Variants in DNAH5 observed in about 807,000 individuals in gnomAD.
DNAH5 encodes the protein axonemal beta dynein heavy chain 5.
In DNAH5, 372 loss-of-function variants were observed where a neutral mutation model predicts 518.2. The ratio of observed to expected loss-of-function variants is 0.72; its 90% CI spans 0.66 to 0.78. The LOEUF (loss-of-function observed/expected upper bound fraction) is 0.78, where lower values mean the gene tolerates loss of function less well. Among genes scored for constraint, DNAH5 ranks in the 30% least tolerant of loss-of-function variants. DNAH5 has a pLI of 0.00. For missense variants in DNAH5, 5,523 were observed against 5,687.0 expected (o/e 0.97, Z 0.93); for synonymous variants, 2,039 against 2,025.9 (o/e 1.01, Z -0.17).
rs1005785101 is a variant in DNAH5 at position 13,833,206 on chromosome 5, C to T, written c.5883-2431G>A. Among the ~76,000 whole-genome samples, 9 of 151,186 alleles carry T rather than the reference C, an allele frequency of 6.0e-5. No homozygotes were observed. In the South Asian group the frequency reaches 6.2e-4, roughly 10 times the overall value. The stretch of plus-strand genomic sequence containing the variant: ...CTGTAATCTCAGCACTTTGGGAGGC[C>T]GAGGCGGATGGATCACGAGGTCAGG... On this transcript the variant is annotated intron_variant, in intron 35 of 78. Coordinates refer to ENST00000265104, the MANE Select transcript of DNAH5 (RefSeq NM_001369.3).
At chr5:13,913,629 T>G in intron 11 of DNAH5, 114 bp downstream of exon 11, 1 of 1,259,502 alleles carries the variant, frequency 7.9e-7, no homozygotes, top group Admixed American at 2.4e-5. Flanking sequence ...TGAGATTATT[T>G]ATATTTTACT....
intron 12 of DNAH5, among the ~76,000 whole-genome samples, chr5:13,908,053 G>C (rs562120605): frequency 5.9e-5 from 9 of 152,252 alleles, no homozygotes; most frequent in Non-Finnish European, 1.2e-4. Flanking sequence ...GGAGGAGATG[G>C]AGCTATTGGC....
chr5:13,902,114 C>T lies in DNAH5; in HGVS notation c.1669G>A (p.Val557Ile), dbSNP rs1241187163. The part of the protein sequence containing the change: ...LHNELRKFMD[V>I]TFAKIQNTNQ... ...GTGTTTTGAATCTTTGCAAATGTAA[C>T]ATCCATGAACTTCCGCAACTCGTTC... Residue 557 changes from valine to isoleucine, a missense_variant, in exon 13 of 79, where the codon GTT (valine) becomes ATT (isoleucine). Around this residue, in one of 3 missense-constraint regions of DNAH5, gnomAD observed 5,121 missense variants for 5,223.3 expected, o/e 0.98. Coordinates refer to ENST00000265104, the MANE Select transcript of DNAH5 (RefSeq NM_001369.3). 6.2e-6 allele frequency: 10 copies of T among 1,608,644 alleles called. No individual in the cohort carries two copies. In the African/African-American group the frequency reaches 8.0e-5, roughly 13 times the overall value.
intron 68 of DNAH5, among the ~76,000 whole-genome samples, chr5:13,729,923 G>A (rs1746255378): frequency 6.6e-6 from 1 of 152,122 alleles, no homozygotes; most frequent in Non-Finnish European, 1.5e-5. Flanking sequence ...ACACAAAACA[G>A]GATAGAGGAC....
intron 12 of DNAH5, among the ~76,000 whole-genome samples, chr5:13,909,498 T>G (rs1178539336): frequency 6.6e-6 from 1 of 152,060 alleles, no homozygotes; most frequent in African/African-American, 2.4e-5. Flanking sequence ...CAGCCTCCTC[T>G]CTGAAGCCTT....
chr5:13,942,064 A>G (rs1779507044), intron 1 of DNAH5, among the ~76,000 whole-genome samples: 1 of 152,238 alleles, frequency 6.6e-6, no homozygotes, highest in Non-Finnish European at 1.5e-5. Flanking sequence ...TCTCTGAGAA[A>G]AGCAGAAAAA....
intron 47 of DNAH5, among the ~76,000 whole-genome samples, chr5:13,794,360 C>G (rs1284525310): frequency 6.6e-6 from 1 of 152,176 alleles, no homozygotes; most frequent in African/African-American, 2.4e-5. Flanking sequence ...CTGTTGGTGA[C>G]ACTATGTTCC....
chr5:13,770,868 A>G lies in DNAH5; in HGVS notation c.9486T>C (p.Asp3162=). 2 of 1,614,074 alleles carry G rather than the reference A, an allele frequency of 1.2e-6. No homozygotes were observed. The highest frequency in any genetic ancestry group is 1.7e-6 in the Non-Finnish European group (2 of 1,179,966). ...FQDGVAEKCV[D]YFQRFRRSTH... is the part of the protein sequence containing the mutation. ...TAGAACGTCGGAATCTCTGAAAATA[A>G]TCAACACACTTCTCAGCCACCCCAT... The change falls in exon 56 of 79, where the codon GAT becomes GAC. Residue 3162 remains aspartate, a synonymous_variant. Transcript: ENST00000265104.
In DNAH5 at chr5:14,007,164, A is replaced by G. The variant is rs976258083; in HGVS notation, c.12+4484T>C. 2.0e-5 allele frequency among the ~76,000 whole-genome samples: 3 copies of G among 152,232 alleles called. No homozygotes were observed. The South Asian group carries it at 6.2e-4, about 32-fold the overall frequency. On this transcript the variant is annotated intron_variant, in intron 1 of 78. Coordinates refer to the DNAH5 transcript ENST00000681290. ...CTTAGTTGATCTTCCTTTGGGGAACATTGCTAGAGTCAGCAATGACACCGT... is the reference window on the plus strand; with the variant it reads ...CTTAGTTGATCTTCCTTTGGGGAACGTTGCTAGAGTCAGCAATGACACCGT...
At chr5:13,930,849 C>T (rs2152008323) in intron 2 of DNAH5, among the ~76,000 whole-genome samples, 1 of 152,350 alleles carries the variant, frequency 6.6e-6, no homozygotes, top group East Asian at 1.9e-4. Context: ...AGCCCAGCTT[C>T]ACTGGATGTA....
chr5:13,756,954 G>A (rs375740074), intron 61 of DNAH5, among the ~76,000 whole-genome samples: 3 of 152,266 alleles, frequency 2.0e-5, no homozygotes, highest in South Asian at 4.1e-4. Context: ...AAAACATGTG[G>A]CATTTGGTTT....
chr5:13,944,623 C>A lies in DNAH5; in HGVS notation c.-185G>T. The stretch of plus-strand genomic sequence containing the variant: ...ATAAAAATTAAAACTCCACTTATAC[C>A]ACTCAAGTTTTTCTCCTAGAGTGTC... On this transcript the variant is annotated 5_prime_UTR_variant, in exon 1 of 79. Coordinates refer to ENST00000265104, the MANE Select transcript of DNAH5 (RefSeq NM_001369.3). 1.6e-6 allele frequency: 1 copy of A among 627,696 alleles called. No individual in the cohort carries two copies. Among genetic ancestry groups the A allele is most frequent in the Non-Finnish European group, 2.9e-6 (1 of 349,900 alleles). The allele number at this position is 627,696 out of a possible 1,614,324, so 38.9% of individuals were successfully genotyped here. A position where few individuals can be genotyped will look rare whatever the true frequency, so the allele number is the denominator to read the frequency against.
At chr5:13,963,949 T>A (rs1329823711) in intron 1 of DNAH5, among the ~76,000 whole-genome samples, 1 of 152,150 alleles carries the variant, frequency 6.6e-6, no homozygotes. Context: ...ATCACAGGCA[T>A]CCACCCCTGC....
intron 54 of DNAH5, 36 bp downstream of exon 54, chr5:13,777,166 A>G: frequency 6.3e-7 from 1 of 1,598,594 alleles, no homozygotes; most frequent in East Asian, 2.2e-5. Context: ...GGAAATCTGA[A>G]GGGATAAAAC....
At chr5:13,826,850 TGAAGA>T (rs1762951321) in intron 38 of DNAH5, among the ~76,000 whole-genome samples, 1 of 152,154 alleles carries the variant, frequency 6.6e-6, no homozygotes, top group African/African-American at 2.4e-5. Flanking sequence ...AGAAGAAGAC[TGAAGA>T]AATGTGGGAA....
chr5:14,006,480 G>A (rs368733), intron 1 of DNAH5, among the ~76,000 whole-genome samples: 112,407 of 151,960 alleles, frequency 0.74, 41,922 homozygotes, highest in East Asian at 0.97. Context: ...GCAGATGGCT[G>A]CCTTCTCACT....
intron 1 of DNAH5, among the ~76,000 whole-genome samples, chr5:14,003,484 G>C (rs1784500980): frequency 6.6e-6 from 1 of 152,200 alleles, no homozygotes; most frequent in Non-Finnish European, 1.5e-5. Context: ...TGGTCAGAAA[G>C]AAGGCAAATT....
At chr5:13,812,117 A>G (rs1244478602) in intron 43 of DNAH5, among the ~76,000 whole-genome samples, 1 of 152,204 alleles carries the variant, frequency 6.6e-6, no homozygotes, top group East Asian at 1.9e-4. Context: ...TGGCAAGGGC[A>G]GAATTCAGAC....
At chr5:13,908,470 C>T (rs1432914952) in intron 12 of DNAH5, among the ~76,000 whole-genome samples, 1 of 152,188 alleles carries the variant, frequency 6.6e-6, no homozygotes, top group Non-Finnish European at 1.5e-5. Context: ...AAGGCCTGGG[C>T]TGAACTCTCT....
Sources: allele counts gnomAD v4.1 joint callset (sites outside exome capture counted in the v4.1 genomes callset), GRCh38; gene constraint gnomAD v4.1.1; regional missense constraint gnomAD v4.1.1; transcripts MANE v1.5; gene names NCBI Gene and HGNC (gene_info 2026-07-23, HGNC 2026-07-21).